GALNT18: variants seen among roughly 807,000 people sequenced by gnomAD.
GALNT18 encodes GalNAc-transferase 18.
A neutral mutation model predicts 69.5 loss-of-function variants in GALNT18; 44 were observed. The ratio of observed to expected loss-of-function variants is 0.63; its 90% CI spans 0.50 to 0.81. The LOEUF is 0.81. Among genes scored for constraint, GALNT18 ranks in the 40% least tolerant of loss-of-function variants. GALNT18 has a pLI of 0.00. For synonymous variants in GALNT18, 364 were observed against 318.2 expected (o/e 1.14, Z -1.53); for missense variants, 715 against 810.0 (o/e 0.88, Z 1.42).
rs1303888293 is a variant in GALNT18, at chr11:11,523,666, C to T, written c.236-74730G>A. Among the ~76,000 whole-genome samples, 1 of 151,502 alleles carries T rather than the reference C, an allele frequency of 6.6e-6. No homozygotes were observed. On this transcript the variant is annotated intron_variant, in intron 1 of 10. Coordinates refer to ENST00000227756, the MANE Select transcript of GALNT18 (RefSeq NM_198516.3). This position sits in a 1 kb window ranked among gnomAD's most constrained non-coding sequence, Gnocchi z 4.3. ...CCCGGGAGGAAGAGGTTGCAGTGAG[C>T]CGAGATCGCACCACTGCACTCCAGC...
intron 2 of GALNT18, among the ~76,000 whole-genome samples, chr11:11,437,725 G>C (rs940588801): frequency 1.5e-5 from 2 of 131,314 alleles, no homozygotes; most frequent in Admixed American, 1.8e-4. Context: ...TAGTCTATCA[G>C]AGTGAATTGT....
At chr11:11,414,341 T>G (rs1854802755) in intron 3 of GALNT18, among the ~76,000 whole-genome samples, 1 of 152,246 alleles carries the variant, frequency 6.6e-6, no homozygotes, top group Admixed American at 6.5e-5. Context: ...AAGTCCCACA[T>G]GACAAGGCCA....
In GALNT18 at chr11:11,282,380, ATACTT is replaced by A. The variant is rs1377352867; in HGVS notation, c.1677+10644_1677+10648del. Among the ~76,000 whole-genome samples, 6 of 152,334 alleles carry A rather than the reference ATACTT, an allele frequency of 3.9e-5. No homozygotes were observed. In the South Asian group the frequency reaches 1.2e-3, roughly 32 times the overall value. ...TACCATTTGCCTAGTACTATGCCAA[ATACTT>A]TACATGCCCAATTCCAGGTCTTCCT... On this transcript the variant is annotated intron_variant, in intron 10 of 10. Transcript: ENST00000227756.
intron 10 of GALNT18, among the ~76,000 whole-genome samples, chr11:11,282,187 TCTC>T (rs1360140719): frequency 2.6e-5 from 4 of 151,876 alleles, no homozygotes; most frequent in African/African-American, 9.7e-5. Flanking sequence ...TCTTTCTTCT[TCTC>T]TCGGAAAATT....
At chr11:11,478,068 G>C (rs1225320091) in intron 1 of GALNT18, among the ~76,000 whole-genome samples, 1 of 152,166 alleles carries the variant, frequency 6.6e-6, no homozygotes, top group Non-Finnish European at 1.5e-5. Flanking sequence ...TCTATATTTG[G>C]GGTTGTTTGT....
At chr11:11,276,316 T>G (rs1012131118) in intron 10 of GALNT18, among the ~76,000 whole-genome samples, 1 of 148,358 alleles carries the variant, frequency 6.7e-6, no homozygotes, top group East Asian at 2.1e-4. Context: ...TGTTCACTCA[T>G]GATTTGGCTG....
At chr11:11,448,995 C>T in intron 1 of GALNT18, 59 bp from the exon 2 acceptor site, 2 of 1,331,628 alleles carry the variant, frequency 1.5e-6, no homozygotes, top group Non-Finnish European at 2.0e-6. Context: ...TGTGCCATGA[C>T]AATCCCTTTC....
chr11:11,295,275 T>G (rs1457893963), intron 9 of GALNT18, among the ~76,000 whole-genome samples: 1 of 152,060 alleles, frequency 6.6e-6, no homozygotes. Flanking sequence ...GACGGCCCAC[T>G]TTAGTAGGGG....
chr11:11,607,447 CT>C (rs1251876757), intron 1 of GALNT18, among the ~76,000 whole-genome samples: 1 of 152,094 alleles, frequency 6.6e-6, no homozygotes, highest in East Asian at 1.9e-4. Flanking sequence ...AGAAAGAAAT[CT>C]TTTTTAAAAA....
rs555640741 is a variant in GALNT18, at chr11:11,383,934, G to A, written c.596-4670C>T. 1.7e-4 allele frequency among the ~76,000 whole-genome samples: 26 copies of A among 152,020 alleles called. No individual in the cohort carries two copies. The highest frequency in any genetic ancestry group is 5.8e-4 in the East Asian group (3 of 5,172). The stretch of plus-strand genomic sequence containing the variant: ...TAATTGTAAGTTTCCTGAGGCCTCC[G>A]CAGCCATGTGGAACTGTGAGTCAAT... On this transcript the variant is annotated intron_variant, in intron 3 of 10. Coordinates refer to ENST00000227756, the MANE Select transcript of GALNT18 (RefSeq NM_198516.3). This position sits in a 1 kb window ranked among gnomAD's most constrained non-coding sequence, Gnocchi z 5.2.
chr11:11,445,658 A>T (rs1392212507), intron 2 of GALNT18, among the ~76,000 whole-genome samples: 5 of 152,204 alleles, frequency 3.3e-5, no homozygotes, highest in Non-Finnish European at 7.3e-5. Flanking sequence ...TTCCAAGTAC[A>T]TGTGCAAAGA....
intron 3 of GALNT18, 121 bp from the exon 4 acceptor site, chr11:11,379,385 C>T (rs1853855915): frequency 1.1e-6 from 1 of 931,812 alleles, no homozygotes; most frequent in Non-Finnish European, 1.6e-6. Flanking sequence ...CATTCCCCTC[C>T]CTGGGTCTTC....
At chr11:11,292,004 A>G (rs1403253819) in intron 10 of GALNT18, among the ~76,000 whole-genome samples, 1 of 152,104 alleles carries the variant, frequency 6.6e-6, no homozygotes, top group Non-Finnish European at 1.5e-5. Flanking sequence ...CCAGCTTCCA[A>G]AGCTCCTTGC....
At chr11:11,434,874 T>C (rs1457050902) in intron 2 of GALNT18, among the ~76,000 whole-genome samples, 2 of 152,202 alleles carry the variant, frequency 1.3e-5, no homozygotes, top group African/African-American at 2.4e-5. Flanking sequence ...GATTTATGGT[T>C]GACAGTCAAA....
At chr11:11,508,874 T>C (rs1403931734) in intron 1 of GALNT18, among the ~76,000 whole-genome samples, 5 of 152,218 alleles carry the variant, frequency 3.3e-5, no homozygotes, top group Admixed American at 2.6e-4. Context: ...AAGGGTGGTT[T>C]TGAATATCCT....
rs150902497 is a variant in GALNT18 at position 11,420,130 on chromosome 11, A to G, written c.595+12491T>C. Among the ~76,000 whole-genome samples the G allele has an allele frequency of 7.8e-3, 1,181 of 151,968 alleles. 10 individuals carry two copies. Among genetic ancestry groups the G allele is most frequent in the African/African-American group, 0.024 (1,016 of 41,496 alleles). On this transcript the variant is annotated intron_variant, in intron 3 of 10. Transcript: ENST00000227756. ...AGGACTCTCATTTTTGAAAGAAGAA[A>G]AAAAAAAACAGAACAAACAAACCTC...
chr11:11,529,000 T>C (rs962208108), intron 1 of GALNT18, among the ~76,000 whole-genome samples: 1 of 152,132 alleles, frequency 6.6e-6, no homozygotes, highest in Non-Finnish European at 1.5e-5. Context: ...GTGTGGGTCT[T>C]GGCCAAGACA....
At chr11:11,493,130 G>A (rs1003934644) in intron 1 of GALNT18, among the ~76,000 whole-genome samples, 2 of 151,946 alleles carry the variant, frequency 1.3e-5, no homozygotes, top group East Asian at 3.9e-4. Context: ...GCATGGTGGT[G>A]GGTGCCTGTA....
intron 3 of GALNT18, among the ~76,000 whole-genome samples, chr11:11,400,147 T>A (rs1288753803): frequency 2.0e-5 from 3 of 152,086 alleles, no homozygotes; most frequent in Non-Finnish European, 4.4e-5. Flanking sequence ...GGAAGCCAAC[T>A]GCCATGTCAT....
Sources: allele counts gnomAD v4.1 joint callset (sites outside exome capture counted in the v4.1 genomes callset), GRCh38; gene constraint gnomAD v4.1.1; non-coding constraint Gnocchi (gnomAD v3.1); transcripts MANE v1.5; gene names NCBI Gene and HGNC (gene_info 2026-07-23, HGNC 2026-07-21).